Variants in ABCG8 observed in about 807,000 individuals in gnomAD.
ABCG8 encodes the protein ATP binding cassette subfamily G member 8, also known as ATP-binding cassette sub-family G member 8.
ABCG8 carries 81 observed loss-of-function variants against 71.3 expected under a neutral mutation model. That is an observed-to-expected ratio of 1.14 (90% CI 0.95 to 1.37). ABCG8 has a LOEUF of 1.37. Among genes scored for constraint, ABCG8 ranks in the 40% most tolerant of loss-of-function variants. The pLI, the probability that ABCG8 is intolerant of heterozygous loss-of-function variation, is 0.00. For missense variants in ABCG8, 1,119 were observed against 866.2 expected (o/e 1.29, Z -3.66); for synonymous variants, 451 against 354.7 (o/e 1.27, Z -3.05).
Position 43,877,919 on chromosome 2 carries a change from G to T in ABCG8, c.*6G>T. On this transcript the variant is annotated 3_prime_UTR_variant, in exon 13 of 13. Transcript: ENST00000272286. ...AACCAAGTCAAGACTGGTGATTCAC[G>T]CCAGACGTCTGCCCGCTGGTGGGGG... 3 of 1,614,070 alleles carry T rather than the reference G, an allele frequency of 1.9e-6. No homozygotes were observed. The highest frequency in any genetic ancestry group is 2.5e-6 in the Non-Finnish European group (3 of 1,180,026).
chr2:43,841,251 C>T (rs1668573965), intron 1 of ABCG8, among the ~76,000 whole-genome samples: 1 of 152,216 alleles, frequency 6.6e-6, no homozygotes, highest in Non-Finnish European at 1.5e-5. Context: ...CTTGCCTAGG[C>T]ATCTGACTCA....
Position 43,881,725 on chromosome 2 carries a change from ACC to A in ABCG8, c.*3814_*3815del, listed in dbSNP as rs373461416. The A allele has an allele frequency of 7.3e-5, 11 of 151,292 alleles. 1 individual carries two copies. Among genetic ancestry groups the A allele is most frequent in the Non-Finnish European group, 1.0e-4 (7 of 67,794 alleles). 9.4% of individuals were successfully genotyped at this position (151,292 alleles called of 1,614,324 possible). A position where few individuals can be genotyped will look rare whatever the true frequency, so the allele number is the denominator to read the frequency against. ...TCTGTCTCAAAAAAAAAAAAAAAAA[ACC>A]CAAGGCTCTCGAGGCATGCATGCTG... On this transcript the variant is annotated 3_prime_UTR_variant, in exon 13 of 13. Coordinates refer to ENST00000272286, the MANE Select transcript of ABCG8 (RefSeq NM_022437.3).
intron 6 of ABCG8, among the ~76,000 whole-genome samples, chr2:43,853,448 A>G (rs2104921341): frequency 6.6e-6 from 1 of 152,286 alleles, no homozygotes; most frequent in Non-Finnish European, 1.5e-5. Flanking sequence ...CTTCCCAGGT[A>G]CCTGGCCTGA....
At chr2:43,839,928 G>A (rs750407174) in intron 1 of ABCG8, among the ~76,000 whole-genome samples, 2 of 152,188 alleles carry the variant, frequency 1.3e-5, no homozygotes. Flanking sequence ...AAAGCTGGAA[G>A]GAGTAGAAGC....
intron 6 of ABCG8, among the ~76,000 whole-genome samples, chr2:43,867,365 C>A (rs921774381): frequency 6.9e-5 from 10 of 144,326 alleles, no homozygotes; most frequent in Non-Finnish European, 9.2e-5. Flanking sequence ...AAAAAGAATT[C>A]TCACCCTCTG....
Position 43,846,209 on chromosome 2 carries a change from C to T in ABCG8, c.220C>T (p.Pro74Ser), listed in dbSNP as rs373610655. The T allele has an allele frequency of 1.9e-6, 3 of 1,613,968 alleles. No individual in the cohort carries two copies. The highest frequency in any genetic ancestry group is 2.2e-5 in the East Asian group (1 of 44,888). The change falls in exon 3 of 13, where the codon CCC (proline) becomes TCC (serine). Residue 74 changes from proline to serine, a missense_variant. Physicochemically the swap from Pro to Ser is moderately conservative, Grantham distance 74 (BLOSUM62 -1). Coordinates refer to ENST00000272286, the MANE Select transcript of ABCG8 (RefSeq NM_022437.3). ...TGAGCAGCTGGCTCAGTTCAAGATGCCCTGGACATCTCCCAGCTGCCAGAA... is the reference window on the plus strand; with the variant it reads ...TGAGCAGCTGGCTCAGTTCAAGATGTCCTGGACATCTCCCAGCTGCCAGAA... ...WFEQLAQFKM[P>S]WTSPSCQNSC...
Position 43,839,074 on chromosome 2 carries a change from G to C in ABCG8, c.21G>C (p.Glu7Asp), listed in dbSNP as rs771255227. MAGKAA[E>D]ERGLPKGATP... ...GCCCCATGGCCGGGAAGGCGGCAGA[G>C]GAGAGAGGGCTGCCGAAAGGGGCCA... Residue 7 changes from glutamate (E) to aspartate (D), a missense_variant, in exon 1 of 13, where the codon GAG (glutamate) becomes GAC (aspartate). Physicochemically the swap from Glu to Asp is conservative, Grantham distance 45. Transcript: ENST00000272286. 2.1e-5 allele frequency: 33 copies of C among 1,551,208 alleles called. No individual in the cohort carries two copies. In the South Asian group the frequency reaches 3.5e-4, roughly 16 times the overall value.
intron 3 of ABCG8, among the ~76,000 whole-genome samples, chr2:43,851,271 C>T (rs1668904904): frequency 6.6e-6 from 1 of 152,236 alleles, no homozygotes; most frequent in Admixed American, 6.5e-5. Context: ...CAGGCACCAG[C>T]TGGCCCTGTG....
In ABCG8 at chr2:43,839,043, C is replaced by T. The variant is rs1668460125; in HGVS notation, c.-11C>T. 1 of 1,550,774 alleles carries T rather than the reference C, an allele frequency of 6.4e-7. No individual in the cohort carries two copies. The highest frequency in any genetic ancestry group is 8.7e-7 in the Non-Finnish European group (1 of 1,146,692). ...AGAGCTGCAGCCCAGGGTCACAGAC[C>T]TGTGGGCCCCATGGCCGGGAAGGCG... On this transcript the variant is annotated 5_prime_UTR_variant, in exon 1 of 13. Transcript: ENST00000272286.
chr2:43,876,366 G>A (rs1167733959), intron 11 of ABCG8, among the ~76,000 whole-genome samples: 2 of 152,216 alleles, frequency 1.3e-5, no homozygotes, highest in South Asian at 4.1e-4. Flanking sequence ...AGAGTGGGAT[G>A]TGCCCTTGTG....
intron 6 of ABCG8, among the ~76,000 whole-genome samples, chr2:43,858,806 C>G (rs962714876): frequency 6.7e-6 from 1 of 150,026 alleles, no homozygotes; most frequent in African/African-American, 2.5e-5. Context: ...AATTCTCACC[C>G]TCTGGATAGA....
intron 6 of ABCG8, among the ~76,000 whole-genome samples, chr2:43,854,146 C>T (rs1260415193): frequency 2.6e-5 from 4 of 152,208 alleles, no homozygotes; most frequent in African/African-American, 9.6e-5. Context: ...TATATTGTTA[C>T]TGGAAGGGGC....
chr2:43,851,469 C>G (rs1232581803), intron 3 of ABCG8, 115 bp from the exon 4 acceptor site: 10 of 1,197,278 alleles, frequency 8.4e-6, no homozygotes, highest in Non-Finnish European at 1.2e-5. Context: ...AGGGGCTGGT[C>G]ACATCTGCAC....
chr2:43,872,208 T>C lies in ABCG8; in HGVS notation c.1128-15T>C, dbSNP rs1669803053. The C allele has an allele frequency of 6.2e-7, 1 of 1,613,754 alleles. No homozygotes were observed. Among genetic ancestry groups the C allele is most frequent in the Admixed American group, 1.7e-5 (1 of 59,988 alleles). ...TGGCTGCCCCCATGACCTGGCCACA[T>C]CTTCTGCCTCCCAGCAGCGTGACCC... On this transcript the variant is annotated splice_polypyrimidine_tract_variant and intron_variant, in intron 7 of 12. Coordinates refer to ENST00000272286, the MANE Select transcript of ABCG8 (RefSeq NM_022437.3).
chr2:43,850,056 T>TGGGTGTGGTGGC (rs879299266), intron 3 of ABCG8, among the ~76,000 whole-genome samples: 2 of 151,726 alleles, frequency 1.3e-5, no homozygotes, highest in Non-Finnish European at 2.9e-5. Flanking sequence ...AAAAATTAGC[T>TGGGTGTGGTGGC]GGGTGTGGTG....
At chr2:43,860,924 C>T (rs997351733) in intron 6 of ABCG8, among the ~76,000 whole-genome samples, 9 of 150,784 alleles carry the variant, frequency 6.0e-5, no homozygotes, top group Non-Finnish European at 1.0e-4. Context: ...AATTCTCACT[C>T]TCTGGATAGA....
At chr2:43,865,256 C>T (rs910796220) in intron 6 of ABCG8, among the ~76,000 whole-genome samples, 3 of 144,810 alleles carry the variant, frequency 2.1e-5, no homozygotes, top group African/African-American at 5.2e-5. Context: ...AGGTACAATT[C>T]TCATCATCTG....
In ABCG8 at chr2:43,872,149, A is replaced by T. The variant is rs1165179375; in HGVS notation, c.1127+11A>T. ...CACCTGTGTGGAAAGGTAAGGTGGC[A>T]GGCGACTCTGAGAGGAGAGCTCCCT... On this transcript the variant is annotated intron_variant, in intron 7 of 12. Coordinates refer to ENST00000272286, the MANE Select transcript of ABCG8 (RefSeq NM_022437.3). 5 of 1,614,108 alleles carry T rather than the reference A, an allele frequency of 3.1e-6. No individual in the cohort carries two copies. In the South Asian group the frequency reaches 4.4e-5, roughly 14 times the overall value.
chr2:43,846,454 C>A (rs562516813), intron 3 of ABCG8, 143 bp downstream of exon 3: 11 of 1,237,292 alleles, frequency 8.9e-6, no homozygotes, highest in Non-Finnish European at 1.3e-5. Context: ...GGTTCTGGGT[C>A]AGACAGACCT....
Sources: allele counts gnomAD v4.1 joint callset (sites outside exome capture counted in the v4.1 genomes callset), GRCh38; gene constraint gnomAD v4.1.1; transcripts MANE v1.5; gene names NCBI Gene and HGNC (gene_info 2026-07-23, HGNC 2026-07-21).